TEAD2: variants seen among roughly 807,000 people sequenced by gnomAD.
TEAD2 encodes transcriptional enhancer factor TEF-4.
In TEAD2, 51 loss-of-function variants were observed where a neutral mutation model predicts 61.4. The observed-to-expected ratio is 0.83, with a 90% CI of 0.66 to 1.05. TEAD2 has a LOEUF of 1.05. Ranked by LOEUF, TEAD2 falls within the 50% of genes least tolerant of loss-of-function variation. TEAD2 has a pLI of 0.00. For missense variants in TEAD2, 509 were observed against 600.0 expected (o/e 0.85, Z 1.58); for synonymous variants, 244 against 243.2 (o/e 1.00, Z -0.03).
chr19:49,359,395 G>C lies in TEAD2; in HGVS notation c.297+40C>G. 2 of 1,605,460 alleles carry C rather than the reference G, an allele frequency of 1.2e-6. No individual in the cohort carries two copies. Among genetic ancestry groups the C allele is most frequent in the Admixed American group, 1.7e-5 (1 of 59,944 alleles). On this transcript the variant is annotated intron_variant, in intron 3 of 12. Coordinates refer to ENST00000593945, the MANE Select transcript of TEAD2 (RefSeq NM_001256660.2). This position sits in a 1 kb window ranked among gnomAD's most constrained non-coding sequence, Gnocchi z 4.1. ...ATGCGAGGATGACCCTAAGAAGACC[G>C]GCCCATCCCAGACAGAAGCCCACAA... is the stretch of plus-strand genomic sequence containing the variant.
At chr19:49,351,156 C>A (rs763241715) in intron 8 of TEAD2, 145 bp downstream of exon 8, 37 of 751,622 alleles carry the variant, frequency 4.9e-5, no homozygotes, top group African/African-American at 4.4e-4. Flanking sequence ...TCCAGCCTGG[C>A]GACAGAGGGA....
At chr19:49,353,336 T>G (rs926263449) in intron 7 of TEAD2, among the ~76,000 whole-genome samples, 2 of 151,888 alleles carry the variant, frequency 1.3e-5, no homozygotes, top group African/African-American at 4.8e-5. Flanking sequence ...TGACCTCAAG[T>G]GATCTGCCCT....
chr19:49,349,938 C>A (rs549517763), intron 8 of TEAD2, among the ~76,000 whole-genome samples: 1 of 152,186 alleles, frequency 6.6e-6, no homozygotes, highest in African/African-American at 2.4e-5. Context: ...TAAGCCCACA[C>A]GGGAACAGCC....
chr19:49,351,633 C>A (rs1972030808), intron 7 of TEAD2, among the ~76,000 whole-genome samples: 1 of 152,086 alleles, frequency 6.6e-6, no homozygotes, highest in Non-Finnish European at 1.5e-5. Flanking sequence ...TCAGTCTCAG[C>A]CCGGTATCTC....
chr19:49,347,218 G>T lies in TEAD2; in HGVS notation c.893C>A (p.Pro298His), dbSNP rs370108099. The T allele has an allele frequency of 1.9e-5, 31 of 1,614,058 alleles. No homozygotes were observed. Among genetic ancestry groups the T allele is most frequent in the Admixed American group, 3.3e-5 (2 of 59,998 alleles). The change falls in exon 10 of 13, where the codon CCC (proline) becomes CAC (histidine). Residue 298 changes from proline (P) to histidine (H), a missense_variant. Transcript: ENST00000593945. ...GAACTTGACCAGGAAGAAGGCATGG[G>T]GGGGGCCACGATCATATAGCTCTCG... is the stretch of plus-strand genomic sequence containing the variant. ...GLRELYDRGP[P>H]HAFFLVKFWA...
chr19:49,359,799 T>G lies in TEAD2; in HGVS notation c.232+45A>C. 6.3e-7 allele frequency: 1 copy of G among 1,583,666 alleles called. No individual in the cohort carries two copies. Among genetic ancestry groups the G allele is most frequent in the Non-Finnish European group, 8.6e-7 (1 of 1,157,552 alleles). On this transcript the variant is annotated intron_variant, in intron 2 of 12. Coordinates refer to ENST00000593945, the MANE Select transcript of TEAD2 (RefSeq NM_001256660.2). The surrounding 1 kb of genome is among the most constrained non-coding windows in gnomAD (Gnocchi z 4.1). ...GCTCCATAAACCTTGGTTACTGTCA[T>G]TATTCATCAGTGGGGGCCAGGGCAA... is the stretch of plus-strand genomic sequence containing the variant.
chr19:49,344,429 C>T (rs1466362540), intron 10 of TEAD2, among the ~76,000 whole-genome samples: 1 of 152,048 alleles, frequency 6.6e-6, no homozygotes, highest in East Asian at 1.9e-4. Flanking sequence ...TACAGGCGCA[C>T]GCCACCATGT....
At position 49,355,298 on chromosome 19, in the gene TEAD2, C is replaced by A; in HGVS notation, c.480+14G>T. ...CCTTTGCCCCCACGTCCCACAATCC[C>A]CAACCTGGACCACCTGAGGACCAGT... On this transcript the variant is annotated intron_variant, in intron 6 of 12. Transcript: ENST00000593945. The A allele has an allele frequency of 6.2e-7, 1 of 1,614,070 alleles. No homozygotes were observed. Among genetic ancestry groups the A allele is most frequent in the Admixed American group, 1.7e-5 (1 of 60,018 alleles).
chr19:49,360,938 A>AGAG (rs1252388378), intron 1 of TEAD2, among the ~76,000 whole-genome samples: 1 of 97,698 alleles, frequency 1.0e-5, no homozygotes, highest in Non-Finnish European at 1.9e-5. Flanking sequence ...AGACCCAGTG[A>AGAG]AGGGGGGGAC....
chr19:49,345,939 C>T (rs772342636), intron 10 of TEAD2, among the ~76,000 whole-genome samples: 2 of 150,950 alleles, frequency 1.3e-5, no homozygotes, highest in South Asian at 2.1e-4. Context: ...CCAAGGTGAG[C>T]GGATCACATG....
At chr19:49,344,088 C>A (rs1971482533) in intron 10 of TEAD2, among the ~76,000 whole-genome samples, 1 of 151,998 alleles carries the variant, frequency 6.6e-6, no homozygotes, top group South Asian at 2.1e-4. Flanking sequence ...CTCAAGCGAT[C>A]CTCCCACCTT....
chr19:49,361,398 A>C (rs7257323), intron 1 of TEAD2: 5,252 of 153,354 alleles, frequency 0.034, 285 homozygotes, highest in African/African-American at 0.12. Context: ...ACGGAGACCT[A>C]GAAAGGGCAG....
intron 3 of TEAD2, chr19:49,357,908 G>C: frequency 6.5e-6 from 1 of 154,536 alleles, no homozygotes; most frequent in Non-Finnish European, 1.4e-5. Context: ...GACCAGCCTG[G>C]CCAACATGGT....
In TEAD2 at chr19:49,343,409, G is replaced by A; in HGVS notation, c.922-11C>T. 6.3e-7 allele frequency: 1 copy of A among 1,597,736 alleles called. No individual in the cohort carries two copies. Among genetic ancestry groups the A allele is most frequent in the Non-Finnish European group, 8.5e-7 (1 of 1,174,336 alleles). Reference sequence around the variant, plus strand: ...CCAGTTCAGGTCCGCCTGGGAGATGGGAAGGCACAGATGAGTCAGAGGGGA... The same window carrying A: ...CCAGTTCAGGTCCGCCTGGGAGATGAGAAGGCACAGATGAGTCAGAGGGGA... On this transcript the variant is annotated splice_polypyrimidine_tract_variant and intron_variant, in intron 10 of 12. Transcript: ENST00000593945.
In TEAD2 at chr19:49,341,244, A is replaced by G; in HGVS notation, c.*80T>C. On this transcript the variant is annotated 3_prime_UTR_variant, in exon 13 of 13. Coordinates refer to ENST00000593945, the MANE Select transcript of TEAD2 (RefSeq NM_001256660.2). The surrounding 1 kb of genome is among the most constrained non-coding windows in gnomAD (Gnocchi z 4.2). ...CTTTACATCACAGCCCTCTCCCCAA[A>G]TAAGAAGCATGAGGTGAGCTGGAGG... The G allele has an allele frequency of 8.2e-7, 1 of 1,218,666 alleles. No homozygotes were observed. Among genetic ancestry groups the G allele is most frequent in the Non-Finnish European group, 1.2e-6 (1 of 828,926 alleles). 75.5% of individuals were successfully genotyped at this position (1,218,666 alleles called of 1,614,324 possible). A position where few individuals can be genotyped will look rare whatever the true frequency, so the allele number is the denominator to read the frequency against.
Position 49,354,453 on chromosome 19 carries a change from A to C in TEAD2, c.539+695T>G, listed in dbSNP as rs1461929192. ...CAGGAGGCTGAGGCTGCAGTGAGCCATGATTGTGCCACCGCACCCCAGCTT... is the reference window on the plus strand; with the variant it reads ...CAGGAGGCTGAGGCTGCAGTGAGCCCTGATTGTGCCACCGCACCCCAGCTT... On this transcript the variant is annotated intron_variant, in intron 7 of 12. Transcript: ENST00000593945. Among the ~76,000 whole-genome samples the C allele has an allele frequency of 2.0e-5, 3 of 151,246 alleles. No individual in the cohort carries two copies. The East Asian group carries it at 6.0e-4, about 30-fold the overall frequency.
In TEAD2 at chr19:49,346,177, A is replaced by T. The variant is rs1035589535; in HGVS notation, c.921+1013T>A. ...CAAAATTCCATCTCAAAAAAAAAAAAAAAAAAAACAATAAAAGAAAATAAA... is the reference window on the plus strand; with the variant it reads ...CAAAATTCCATCTCAAAAAAAAAAATAAAAAAAACAATAAAAGAAAATAAA... On this transcript the variant is annotated intron_variant, in intron 10 of 12. Transcript: ENST00000593945. Among the ~76,000 whole-genome samples, 141 of 147,926 alleles carry T rather than the reference A, an allele frequency of 9.5e-4. 1 individual carries two copies. Among genetic ancestry groups the T allele is most frequent in the Middle Eastern group, 6.8e-3 (2 of 292 alleles).
chr19:49,355,413 C>G lies in TEAD2; in HGVS notation c.379G>C (p.Val127Leu). The G allele has an allele frequency of 6.2e-7, 1 of 1,614,066 alleles. No individual in the cohort carries two copies. The highest frequency in any genetic ancestry group is 8.5e-7 in the Non-Finnish European group (1 of 1,179,966). ...GTCTGGAAAGCCTTGTCCTTGGAAA[C>G]CTGGTCCTGGAGGAGGAGGCGGAAG... is the stretch of plus-strand genomic sequence containing the variant. ...SKLKALNVDQ[V>L]SKDKAFQTMA... Residue 127 changes from valine (V) to leucine (L), a missense_variant, in exon 6 of 13, where the codon GTT (valine) becomes CTT (leucine). Val to Leu is a conservative substitution (Grantham distance 32). Transcript: ENST00000593945.
At chr19:49,343,013 C>T (rs184570380) in intron 11 of TEAD2, among the ~76,000 whole-genome samples, 21 of 152,204 alleles carry the variant, frequency 1.4e-4, no homozygotes, top group African/African-American at 4.8e-4. Context: ...ATCTCAGTGA[C>T]TCTAAGTCTC....
Sources: gnomAD v4.1 joint callset for allele counts (sites outside exome capture counted in the v4.1 genomes callset) on GRCh38, gnomAD v4.1.1 for gene constraint, Gnocchi (gnomAD v3.1) non-coding constraint, MANE v1.5 for transcripts, NCBI Gene and HGNC (gene_info 2026-07-23, HGNC 2026-07-21) for gene names.